Variants in ADGRB3 observed in about 807,000 individuals in gnomAD.
The protein encoded by ADGRB3 is brain-specific angiogenesis inhibitor 3.
A neutral mutation model predicts 193.4 loss-of-function variants in ADGRB3; 37 were observed. That is an observed-to-expected ratio of 0.19 (90% CI 0.15 to 0.25). The LOEUF (loss-of-function observed/expected upper bound fraction) is 0.25, where lower values mean the gene tolerates loss of function less well. Ranked by LOEUF, ADGRB3 falls within the 10% of genes least tolerant of loss-of-function variation. The pLI is 1.00. For synonymous variants in ADGRB3, 690 were observed against 644.2 expected, an observed-to-expected ratio of 1.07 and a Z score of -1.08; for missense variants, 1,637 against 1,852.9, an observed-to-expected ratio of 0.88 and a Z score of 2.14.
chr6:69,208,926 A>T (rs1250888121), intron 17 of ADGRB3, among the ~76,000 whole-genome samples: 1 of 152,218 alleles, frequency 6.6e-6, no homozygotes, highest in Non-Finnish European at 1.5e-5. Context: ...CCCATGGTCA[A>T]ACATTCAGTT....
chr6:68,797,857 G>A (rs1767240456), intron 3 of ADGRB3, among the ~76,000 whole-genome samples: 1 of 151,990 alleles, frequency 6.6e-6, no homozygotes, highest in African/African-American at 2.4e-5. Context: ...TCTTAAGTAG[G>A]GAAACTAAAA....
intron 25 of ADGRB3, 131 bp downstream of exon 25, chr6:69,339,145 A>G: frequency 8.8e-7 from 1 of 1,138,584 alleles, no homozygotes; most frequent in Non-Finnish European, 1.3e-6. Flanking sequence ...ATAATTGGCA[A>G]CTGTCTTTAT....
intron 20 of ADGRB3, among the ~76,000 whole-genome samples, chr6:69,306,239 A>G (rs1361569336): frequency 6.6e-6 from 1 of 151,454 alleles, no homozygotes; most frequent in Non-Finnish European, 1.5e-5. Context: ...ATAACGCATC[A>G]CCATCATAAA....
chr6:68,879,394 A>AT (rs201958163), intron 3 of ADGRB3, among the ~76,000 whole-genome samples: 2,105 of 150,574 alleles, frequency 0.014, 29 homozygotes, highest in Non-Finnish European at 0.02. Context: ...TTTTTTGTAT[A>AT]TTTTTTTGTA....
At chr6:69,354,626 C>G (rs1769298218) in intron 27 of ADGRB3, among the ~76,000 whole-genome samples, 1 of 152,160 alleles carries the variant, frequency 6.6e-6, no homozygotes, top group South Asian at 2.1e-4. Flanking sequence ...ATGTGGATGT[C>G]TTTTACAGAT....
At chr6:69,038,780 G>T (rs7767118) in intron 13 of ADGRB3, among the ~76,000 whole-genome samples, 1 of 151,934 alleles carries the variant, frequency 6.6e-6, no homozygotes, top group Non-Finnish European at 1.5e-5. Flanking sequence ...AGTCTTAAAT[G>T]ATATTTCTCT....
At chr6:69,221,200 C>CA (rs1160318154) in intron 17 of ADGRB3, among the ~76,000 whole-genome samples, 2 of 151,996 alleles carry the variant, frequency 1.3e-5, no homozygotes, top group African/African-American at 2.4e-5. Flanking sequence ...AAATCAGCAT[C>CA]AAAAAAGCCT....
intron 26 of ADGRB3, among the ~76,000 whole-genome samples, chr6:69,343,116 T>C (rs1769012121): frequency 6.6e-6 from 1 of 151,598 alleles, no homozygotes; most frequent in Admixed American, 6.6e-5. Context: ...TTTTAATGTG[T>C]TGTGTATGGA....
At chr6:69,049,710 C>T (rs1401638386) in intron 15 of ADGRB3, among the ~76,000 whole-genome samples, 14 of 152,084 alleles carry the variant, frequency 9.2e-5, no homozygotes, top group Admixed American at 9.2e-4. Flanking sequence ...TGTTCATCAA[C>T]ATGACGTGAA....
chr6:68,653,973 A>G (rs1768433784), intron 3 of ADGRB3, among the ~76,000 whole-genome samples: 1 of 151,868 alleles, frequency 6.6e-6, no homozygotes, highest in Non-Finnish European at 1.5e-5. Context: ...TATAATTTAT[A>G]AATGTTGGTC....
chr6:69,001,526 C>T (rs1289849626), intron 11 of ADGRB3, among the ~76,000 whole-genome samples: 1 of 151,884 alleles, frequency 6.6e-6, no homozygotes, highest in African/African-American at 2.4e-5. Context: ...GGGGAATAAG[C>T]CCATGGAGGT....
At chr6:68,678,014 A>G (rs1448350030) in intron 3 of ADGRB3, among the ~76,000 whole-genome samples, 2 of 152,158 alleles carry the variant, frequency 1.3e-5, no homozygotes, top group Non-Finnish European at 2.9e-5. Context: ...TCCATTCATT[A>G]ATAAAACCTT....
chr6:69,355,219 T>G (rs1769313581), intron 27 of ADGRB3, among the ~76,000 whole-genome samples: 1 of 152,146 alleles, frequency 6.6e-6, no homozygotes, highest in Non-Finnish European at 1.5e-5. Context: ...AAAATAAAAG[T>G]TTTAGGAAAA....
intron 3 of ADGRB3, among the ~76,000 whole-genome samples, chr6:68,775,902 T>C (rs1337085001): frequency 6.6e-6 from 1 of 152,198 alleles, no homozygotes; most frequent in East Asian, 1.9e-4. Flanking sequence ...TATAAAGCCA[T>C]TGTATTCATA....
chr6:69,299,482 C>G (rs996724122), intron 20 of ADGRB3, among the ~76,000 whole-genome samples: 7 of 151,678 alleles, frequency 4.6e-5, no homozygotes, highest in Non-Finnish European at 8.8e-5. Context: ...AAATCTTTAC[C>G]CAGAGCAATG....
At chr6:68,644,281 C>G (rs989977039) in intron 3 of ADGRB3, among the ~76,000 whole-genome samples, 2 of 152,040 alleles carry the variant, frequency 1.3e-5, no homozygotes, top group African/African-American at 4.8e-5. Flanking sequence ...AGTTCCTGAT[C>G]TCCAAGGTGT....
chr6:68,686,462 A>C (rs1275279848), intron 3 of ADGRB3, among the ~76,000 whole-genome samples: 1 of 152,080 alleles, frequency 6.6e-6, no homozygotes, highest in Non-Finnish European at 1.5e-5. Context: ...CATACTGGTA[A>C]AGCCATGATT....
intron 17 of ADGRB3, among the ~76,000 whole-genome samples, chr6:69,195,060 G>A (rs1259371426): frequency 6.6e-6 from 1 of 152,166 alleles, no homozygotes; most frequent in African/African-American, 2.4e-5. Flanking sequence ...AGTGGTAGAA[G>A]TGGAGAAGAA....
intron 3 of ADGRB3, among the ~76,000 whole-genome samples, chr6:68,642,003 A>G (rs561415894): frequency 4.0e-4 from 61 of 152,236 alleles, no homozygotes; most frequent in African/African-American, 1.4e-3. Flanking sequence ...ATATGATAAC[A>G]TGAAATTCCA....
Sources: gnomAD v4.1 joint callset for allele counts (sites outside exome capture counted in the v4.1 genomes callset) on GRCh38, gnomAD v4.1.1 for gene constraint, MANE v1.5 for transcripts, NCBI Gene and HGNC (gene_info 2026-07-23, HGNC 2026-07-21) for gene names.